PIK3CA: variants seen among roughly 807,000 people sequenced by gnomAD.
PIK3CA encodes phosphatidylinositol 4,5-bisphosphate 3-kinase catalytic subunit alpha isoform.
In PIK3CA, 27 loss-of-function variants were observed where a neutral mutation model predicts 138.2. The ratio of observed to expected loss-of-function variants is 0.20; its 90% CI spans 0.14 to 0.27. PIK3CA has a LOEUF of 0.27. PIK3CA is among the 10% of genes least tolerant of loss of function. The pLI is 1.00. For synonymous variants in PIK3CA, 358 were observed against 413.2 expected (o/e 0.87, Z 1.62); for missense variants, 544 against 1,277.4 (o/e 0.43, Z 8.75).
rs1357248756 is a variant in PIK3CA, at chr3:179,181,303, T to A, written c.-76-17447T>A. 2.6e-5 allele frequency among the ~76,000 whole-genome samples: 4 copies of A among 152,096 alleles called. No individual in the cohort carries two copies. In the East Asian group the frequency reaches 7.7e-4, roughly 29 times the overall value. ...ATATTCTGACCAAAGAAACATTATT[T>A]TTTTTTTACCCTAGGGATAATGACT... is the stretch of plus-strand genomic sequence containing the variant. On this transcript the variant is annotated intron_variant, in intron 1 of 20. Coordinates refer to ENST00000263967, the MANE Select transcript of PIK3CA (RefSeq NM_006218.4).
chr3:179,217,612 A>G (rs1346870182), intron 9 of PIK3CA, among the ~76,000 whole-genome samples: 1 of 152,044 alleles, frequency 6.6e-6, no homozygotes, highest in Non-Finnish European at 1.5e-5. Flanking sequence ...CACAGTTAAT[A>G]TATCTATATT....
rs201023838 is a variant in PIK3CA, at chr3:179,199,649, A to T, written c.353-41A>T. The T allele has an allele frequency of 4.6e-5, 62 of 1,344,754 alleles. No individual in the cohort carries two copies. In the South Asian group the frequency reaches 6.5e-4, roughly 14 times the overall value. The allele number at this position is 1,344,754 out of a possible 1,614,324, so 83.3% of individuals were successfully genotyped here. On this transcript the variant is annotated intron_variant, in intron 2 of 20. Transcript: ENST00000263967. ...CAAAAAAAACATGTTCATGCTGTGT[A>T]TGTAATAGAATGTTATATTCTTTAT...
chr3:179,184,246 C>T lies in PIK3CA; in HGVS notation c.-76-14504C>T, dbSNP rs188460072. On this transcript the variant is annotated intron_variant, in intron 1 of 20. Coordinates refer to ENST00000263967, the MANE Select transcript of PIK3CA (RefSeq NM_006218.4). ...ATAAGTATTGGCAGAATCACCACCA[C>T]GATCACAGCAGCACAGTCCAGACAG... Among the ~76,000 whole-genome samples, 3 of 152,352 alleles carry T rather than the reference C, an allele frequency of 2.0e-5. No individual in the cohort carries two copies. The East Asian group carries it at 5.8e-4, about 29-fold the overall frequency.
chr3:179,205,638 G>T (rs1360193590), intron 6 of PIK3CA, among the ~76,000 whole-genome samples: 1 of 152,118 alleles, frequency 6.6e-6, no homozygotes, highest in African/African-American at 2.4e-5. Flanking sequence ...GGGAGTTATG[G>T]GGAACATTTT....
chr3:179,154,606 T>G (rs1049195312), intron 1 of PIK3CA, among the ~76,000 whole-genome samples: 1 of 152,222 alleles, frequency 6.6e-6, no homozygotes, highest in Non-Finnish European at 1.5e-5. Context: ...GGGGGACAGA[T>G]TGTAACACAT....
At chr3:179,154,243 C>G (rs984621979) in intron 1 of PIK3CA, among the ~76,000 whole-genome samples, 1 of 152,126 alleles carries the variant, frequency 6.6e-6, no homozygotes, top group Admixed American at 6.6e-5. Flanking sequence ...CAGTACCTGT[C>G]CCTGGCCTGT....
In PIK3CA at chr3:179,170,074, GCGCA is replaced by G. The variant is rs1185803985; in HGVS notation, c.-77+21473_-77+21476del. On this transcript the variant is annotated intron_variant, in intron 1 of 20. Transcript: ENST00000263967. ...TGCACATGCGCGTGCACACGCGCGC[GCGCA>G]CACACACACACACACACACACGACC... is the stretch of plus-strand genomic sequence containing the variant. 4.7e-3 allele frequency among the ~76,000 whole-genome samples: 558 copies of G among 119,974 alleles called. 7 individuals are homozygous for G. Among genetic ancestry groups the G allele is most frequent in the African/African-American group, 0.01 (401 of 38,300 alleles). The allele number at this position is 119,974 out of a possible 152,430, so 78.7% of individuals were successfully genotyped here. A position where few individuals can be genotyped will look rare whatever the true frequency, so the allele number is the denominator to read the frequency against.
rs1164113887 is a variant in PIK3CA, at chr3:179,199,197, T to C, written c.352+20T>C. 1 of 1,453,274 alleles carries C rather than the reference T, an allele frequency of 6.9e-7. No homozygotes were observed. Among genetic ancestry groups the C allele is most frequent in the Non-Finnish European group, 9.3e-7 (1 of 1,075,080 alleles). The allele number at this position is 1,453,274 out of a possible 1,614,324, so 90.0% of individuals were successfully genotyped here. On this transcript the variant is annotated intron_variant, in intron 2 of 20. Coordinates refer to ENST00000263967, the MANE Select transcript of PIK3CA (RefSeq NM_006218.4). ...AAATTGGTATGATACAATATCCTATTCTAAAATGCAAATAACCATAAAGCT... is the reference window on the plus strand; with the variant it reads ...AAATTGGTATGATACAATATCCTATCCTAAAATGCAAATAACCATAAAGCT...
intron 1 of PIK3CA, chr3:179,149,844 C>T (rs914105537): frequency 1.3e-5 from 2 of 152,084 alleles, no homozygotes; most frequent in African/African-American, 4.8e-5. Flanking sequence ...TACATTGCAC[C>T]GTACAAAATT....
chr3:179,235,250 G>A lies in PIK3CA; in HGVS notation c.*886G>A, dbSNP rs1031414345. On this transcript the variant is annotated 3_prime_UTR_variant, in exon 21 of 21. Transcript: ENST00000263967. ...TGAACTGAATACATTTTTCATGCAT[G>A]TTTTCCAGAAAATAGAAGTATTAAT... 2 of 180,918 alleles carry A rather than the reference G, an allele frequency of 1.1e-5. No individual in the cohort carries two copies. Among genetic ancestry groups the A allele is most frequent in the African/African-American group, 4.7e-5 (2 of 42,262 alleles). 11.2% of individuals were successfully genotyped at this position (180,918 alleles called of 1,614,324 possible).
At chr3:179,224,882 A>G (rs1028811581) in intron 16 of PIK3CA, 61 bp downstream of exon 16, 2 of 1,223,044 alleles carry the variant, frequency 1.6e-6, no homozygotes, top group Non-Finnish European at 2.3e-6. Flanking sequence ...TATACACAGG[A>G]TATTTATGAA....
At chr3:179,231,631 T>A (rs13096160) in intron 20 of PIK3CA, among the ~76,000 whole-genome samples, 1 of 47,006 alleles carries the variant, frequency 2.1e-5, no homozygotes, top group South Asian at 8.2e-4. Context: ...CTTAGCCCAC[T>A]TTTTTTTTTT....
At chr3:179,201,932 T>G (rs1724421708) in intron 4 of PIK3CA, among the ~76,000 whole-genome samples, 1 of 152,052 alleles carries the variant, frequency 6.6e-6, no homozygotes, top group Non-Finnish European at 1.5e-5. Flanking sequence ...GATATACTTC[T>G]TGATAAGTAA....
intron 4 of PIK3CA, among the ~76,000 whole-genome samples, chr3:179,203,167 C>T (rs1438462864): frequency 6.6e-6 from 1 of 151,900 alleles, no homozygotes; most frequent in Non-Finnish European, 1.5e-5. Flanking sequence ...GTCTCGATCT[C>T]CTGACCTCGT....
At chr3:179,152,024 T>A (rs1723025900) in intron 1 of PIK3CA, among the ~76,000 whole-genome samples, 1 of 152,238 alleles carries the variant, frequency 6.6e-6, no homozygotes, top group African/African-American at 2.4e-5. Context: ...CCAAGCACAG[T>A]AGCCTGTACA....
At chr3:179,229,851 T>G (rs1725172856) in intron 18 of PIK3CA, among the ~76,000 whole-genome samples, 153 bp from the exon 19 acceptor site, 1 of 152,176 alleles carries the variant, frequency 6.6e-6, no homozygotes, top group African/African-American at 2.4e-5. Flanking sequence ...CATGAAAACT[T>G]CACAATCTCA....
At position 179,236,684 on chromosome 3, in the gene PIK3CA, A is replaced by C. The variant is rs1472982085; in HGVS notation, c.*2320A>C. 4.4e-6 allele frequency: 1 copy of C among 226,662 alleles called. No homozygotes were observed. Among genetic ancestry groups the C allele is most frequent in the East Asian group, 6.4e-5 (1 of 15,598 alleles). The allele number at this position is 226,662 out of a possible 1,614,324, so 14.0% of individuals were successfully genotyped here. A position where few individuals can be genotyped will look rare whatever the true frequency, so the allele number is the denominator to read the frequency against. ...TCTCCACCATTAAAATGCACAAACC[A>C]CATGGCCGATTTCACCATTTACATT... On this transcript the variant is annotated 3_prime_UTR_variant, in exon 21 of 21. Transcript: ENST00000263967.
intron 20 of PIK3CA, among the ~76,000 whole-genome samples, chr3:179,233,610 A>G (rs1433725680): frequency 6.6e-6 from 1 of 152,188 alleles, no homozygotes; most frequent in Non-Finnish European, 1.5e-5. Flanking sequence ...TATAGTGCTT[A>G]ATACGACATT....
rs201337461 is a variant in PIK3CA at position 179,239,301 on chromosome 3, CT to C, written c.*4941del. ...GTGGTTATGCTAAGAACCATGTATA[CT>C]TTTAGGTATTCTTATTTTTGTCAAT... On this transcript the variant is annotated 3_prime_UTR_variant, in exon 21 of 21. Coordinates refer to ENST00000263967, the MANE Select transcript of PIK3CA (RefSeq NM_006218.4). 5 of 202,612 alleles carry C rather than the reference CT, an allele frequency of 2.5e-5. No individual in the cohort carries two copies. In the East Asian group the frequency reaches 3.8e-4, roughly 15 times the overall value. 12.6% of individuals were successfully genotyped at this position (202,612 alleles called of 1,614,324 possible).
Sources: allele counts gnomAD v4.1 joint callset (sites outside exome capture counted in the v4.1 genomes callset), GRCh38; gene constraint gnomAD v4.1.1; transcripts MANE v1.5; gene names NCBI Gene and HGNC (gene_info 2026-07-23, HGNC 2026-07-21).